Variants in MED12L observed in about 807,000 individuals in gnomAD.
MED12L encodes mediator complex subunit 12L.
Under a neutral mutation model 281.3 loss-of-function variants are expected in MED12L, and 60 were observed. The ratio of observed to expected loss-of-function variants is 0.21; its 90% confidence interval spans 0.17 to 0.26. MED12L has a LOEUF of 0.26. Ranked by LOEUF, MED12L falls within the 10% of genes least tolerant of loss-of-function variation. The probability of loss-of-function intolerance (pLI) is 1.00; values close to 1 mark genes in which losing one functional copy is unlikely to be tolerated. For synonymous variants in MED12L, 974 were observed against 987.2 expected, an observed-to-expected ratio of 0.99 and a Z score of 0.25; for missense variants, 2,146 against 2,680.9, an observed-to-expected ratio of 0.80 and a Z score of 4.41.
intron 36 of MED12L, 92 bp downstream of exon 36, chr3:151,385,283 A>C (rs921845539): frequency 1.4e-6 from 1 of 699,544 alleles, no homozygotes; most frequent in Non-Finnish European, 2.3e-6. Flanking sequence ...AAAATATATT[A>C]ATTTTGCTGT....
intron 33 of MED12L, 72 bp from the exon 34 acceptor site, chr3:151,383,707 G>C: frequency 1.1e-6 from 1 of 911,756 alleles, no homozygotes. Flanking sequence ...ATCAAAATTT[G>C]ATAACATAAA....
At chr3:151,400,527 A>G (rs1458470020) in intron 39 of MED12L, among the ~76,000 whole-genome samples, 1 of 152,182 alleles carries the variant, frequency 6.6e-6, no homozygotes, top group Non-Finnish European at 1.5e-5. Context: ...CGACTTGTAA[A>G]GAGGTTAGGT....
chr3:151,273,235 T>C (rs981344350), intron 16 of MED12L, among the ~76,000 whole-genome samples: 12 of 143,616 alleles, frequency 8.4e-5, no homozygotes, highest in Non-Finnish European at 1.5e-4. Flanking sequence ...TTCTTTTTTT[T>C]TTTTTTTTTT....
At chr3:151,233,542 T>C (rs1732129359) in intron 16 of MED12L, among the ~76,000 whole-genome samples, 1 of 152,204 alleles carries the variant, frequency 6.6e-6, no homozygotes, top group African/African-American at 2.4e-5. Flanking sequence ...GAGACCAGCC[T>C]GACCAACATG....
chr3:151,344,050 C>T (rs1207719512), intron 16 of MED12L, among the ~76,000 whole-genome samples: 1 of 152,124 alleles, frequency 6.6e-6, no homozygotes, highest in Non-Finnish European at 1.5e-5. Flanking sequence ...TAGATACCAA[C>T]AGGTTCCAAA....
intron 16 of MED12L, among the ~76,000 whole-genome samples, chr3:151,234,792 A>G (rs998157128): frequency 2.0e-5 from 3 of 152,194 alleles, no homozygotes; most frequent in African/African-American, 4.8e-5. Context: ...TGATGCCCAT[A>G]TAATGTGGAC....
intron 43 of MED12L, among the ~76,000 whole-genome samples, chr3:151,419,477 T>A (rs1717997554): frequency 6.6e-6 from 1 of 152,202 alleles, no homozygotes; most frequent in African/African-American, 2.4e-5. Flanking sequence ...GGCAGCTGAT[T>A]AGATGGTGCC....
intron 2 of MED12L, among the ~76,000 whole-genome samples, chr3:151,104,224 G>A (rs1024923422): frequency 1.3e-4 from 20 of 152,294 alleles, no homozygotes; most frequent in Admixed American, 9.8e-4. Flanking sequence ...ATGTGGCTCT[G>A]GTGTTAGAAG....
At chr3:151,314,002 G>GT (rs911204734) in intron 16 of MED12L, among the ~76,000 whole-genome samples, 13 of 151,978 alleles carry the variant, frequency 8.6e-5, no homozygotes, top group African/African-American at 3.1e-4. Context: ...AATTATTGTT[G>GT]TTTTAGTATT....
In MED12L at chr3:151,434,277, A is replaced by C. The variant is rs950050997; in HGVS notation, c.*1473A>C. 6.6e-6 allele frequency: 1 copy of C among 152,190 alleles called. No homozygotes were observed. The highest frequency in any genetic ancestry group is 1.5e-5 in the Non-Finnish European group (1 of 68,032). The allele number at this position is 152,190 out of a possible 1,614,324, so 9.4% of individuals were successfully genotyped here. ...TAGTAGACATTTTCTTTTGCAAATC[A>C]TTATCTATAAATAATTTATATCTTC... On this transcript the variant is annotated 3_prime_UTR_variant, in exon 45 of 45. Coordinates refer to ENST00000687756, the MANE Select transcript of MED12L (RefSeq NM_001393769.1).
rs1314646806 is a variant in MED12L, at chr3:151,433,919, TATAAAG to T, written c.*1117_*1122del. ...CAAGTAAATTATACATCAAATTTATTATAAAGAAATAGTAACTATTTTAACTTTGTT... is the reference window on the plus strand; with the variant it reads ...CAAGTAAATTATACATCAAATTTATTAAATAGTAACTATTTTAACTTTGTT... On this transcript the variant is annotated 3_prime_UTR_variant, in exon 45 of 45. Transcript: ENST00000687756. 4 of 152,650 alleles carry T rather than the reference TATAAAG, an allele frequency of 2.6e-5. No individual in the cohort carries two copies. The highest frequency in any genetic ancestry group is 5.9e-5 in the Non-Finnish European group (4 of 68,042). 9.5% of individuals were successfully genotyped at this position (152,650 alleles called of 1,614,324 possible). A position where few individuals can be genotyped will look rare whatever the true frequency, so the allele number is the denominator to read the frequency against.
intron 2 of MED12L, among the ~76,000 whole-genome samples, chr3:151,106,318 C>CTT (rs1560051203): frequency 1.9e-5 from 2 of 102,890 alleles, no homozygotes; most frequent in African/African-American, 9.0e-5. Flanking sequence ...TCTCCCCTCC[C>CTT]CTCCCCTCCC....
rs1755530189 is a variant in MED12L, at chr3:151,368,242, C to G, written c.3541C>G (p.Gln1181Glu). 9 of 1,613,574 alleles carry G rather than the reference C, an allele frequency of 5.6e-6. No individual in the cohort carries two copies. Among genetic ancestry groups the G allele is most frequent in the Non-Finnish European group, 7.6e-6 (9 of 1,179,650 alleles). The change falls in exon 25 of 45, where the codon CAA (glutamine) becomes GAA (glutamate). Residue 1181 changes from glutamine (Q) to glutamate (E), a missense_variant. Gln to Glu is a conservative substitution (Grantham distance 29, BLOSUM62 2). Transcript: ENST00000687756. Reference sequence around the variant, plus strand: ...AGCTCCCCAGGCCTGCTTCTTACCTCAAGCAACGGGTGAGCTGACTGCAGA... The same window carrying G: ...AGCTCCCCAGGCCTGCTTCTTACCTGAAGCAACGGGTGAGCTGACTGCAGA... Reference protein sequence around the residue: ...FRAPQACFLPQATGKPFPGIR... With the variant: ...FRAPQACFLPEATGKPFPGIR...
In MED12L at chr3:151,188,381, G is replaced by A. The variant is rs1216871961; in HGVS notation, c.1654G>A (p.Glu552Lys). ...ERCGESEVLD[E>K]KESISSSSLA... ...ATGTGGTGAATCAGAAGTCTTAGATGAGAAGGAGTCTATTTCTTCATCCTC... is the reference window on the plus strand; with the variant it reads ...ATGTGGTGAATCAGAAGTCTTAGATAAGAAGGAGTCTATTTCTTCATCCTC... Residue 552 changes from glutamate to lysine, a missense_variant, in exon 13 of 45, where the codon GAG becomes AAG. Around this residue, in one of 9 missense-constraint regions of MED12L, gnomAD observed 722 missense variants for 861.2 expected, o/e 0.84. Coordinates refer to ENST00000687756, the MANE Select transcript of MED12L (RefSeq NM_001393769.1). 1 of 1,608,320 alleles carries A rather than the reference G, an allele frequency of 6.2e-7. No homozygotes were observed. The highest frequency in any genetic ancestry group is 1.3e-5 in the African/African-American group (1 of 74,794).
intron 10 of MED12L, 116 bp from the exon 11 acceptor site, chr3:151,165,730 C>A: frequency 8.8e-7 from 1 of 1,139,002 alleles, no homozygotes; most frequent in Non-Finnish European, 1.3e-6. Flanking sequence ...TAACATATGC[C>A]AAGAATGATA....
intron 16 of MED12L, among the ~76,000 whole-genome samples, chr3:151,333,239 C>T (rs1440242436): frequency 6.6e-6 from 1 of 152,104 alleles, no homozygotes; most frequent in African/African-American, 2.4e-5. Flanking sequence ...TAGAATAACG[C>T]CTATTCCTTT....
chr3:151,229,173 G>A (rs1343885428), intron 16 of MED12L, among the ~76,000 whole-genome samples: 1 of 152,166 alleles, frequency 6.6e-6, no homozygotes, highest in Non-Finnish European at 1.5e-5. Context: ...ATACTGTACA[G>A]AAGTGATTCC....
intron 5 of MED12L, among the ~76,000 whole-genome samples, chr3:151,148,881 A>G (rs1392849175): frequency 2.6e-5 from 4 of 152,208 alleles, no homozygotes; most frequent in East Asian, 1.9e-4. Context: ...GGAAAGTCCA[A>G]TATTTGCCCG....
chr3:151,103,733 A>T (rs1376420000), intron 2 of MED12L, among the ~76,000 whole-genome samples: 1 of 152,206 alleles, frequency 6.6e-6, no homozygotes, highest in African/African-American at 2.4e-5. Flanking sequence ...GGGGTGATCT[A>T]CATTTCGCAG....
Sources: allele counts gnomAD v4.1 joint callset (sites outside exome capture counted in the v4.1 genomes callset), GRCh38; gene constraint gnomAD v4.1.1; regional missense constraint gnomAD v4.1.1; transcripts MANE v1.5; gene names NCBI Gene and HGNC (gene_info 2026-07-23, HGNC 2026-07-21).